The following DLG2 variants were observed in gnomAD, a reference collection of about 807,000 sequenced individuals.
The protein encoded by DLG2 is disks large homolog 2.
A neutral mutation model predicts 132.5 loss-of-function variants in DLG2; 45 were observed. The observed-to-expected ratio is 0.34, with a 90% CI of 0.27 to 0.44. DLG2 has a LOEUF of 0.44. DLG2 is among the 20% of genes least tolerant of loss of function. The pLI, the probability that DLG2 is intolerant of heterozygous loss-of-function variation, is 1.00. For synonymous variants in DLG2, 424 were observed against 419.6 expected, an observed-to-expected ratio of 1.01 and a Z score of -0.13; for missense variants, 1,045 against 1,196.9, an observed-to-expected ratio of 0.87 and a Z score of 1.87.
chr11:83,768,656 A>G (rs1447133858), intron 18 of DLG2, among the ~76,000 whole-genome samples: 1 of 152,216 alleles, frequency 6.6e-6, no homozygotes, highest in Non-Finnish European at 1.5e-5. Flanking sequence ...GCATCATTCT[A>G]AAGCCCCAGG....
intron 7 of DLG2, among the ~76,000 whole-genome samples, chr11:84,467,939 A>C (rs970825154): frequency 2.0e-5 from 3 of 151,536 alleles, no homozygotes; most frequent in African/African-American, 7.3e-5. Context: ...TACTGCTAAC[A>C]ATTATTGAAT....
rs529649737 is a variant in DLG2 at position 84,339,112 on chromosome 11, C to T, written c.520-87821G>A. 2.6e-5 allele frequency among the ~76,000 whole-genome samples: 4 copies of T among 152,222 alleles called. No individual in the cohort carries two copies. The East Asian group carries it at 5.8e-4, about 22-fold the overall frequency. On this transcript the variant is annotated intron_variant, in intron 7 of 27. Transcript: ENST00000376104. ...TAAAGGGTTTTAGCGTTTCTTTTCT[C>T]CTCTGTATCACGACACTGTTTCAGC...
chr11:85,163,161 G>T (rs992642630), intron 4 of DLG2, among the ~76,000 whole-genome samples: 7 of 151,750 alleles, frequency 4.6e-5, no homozygotes, highest in Non-Finnish European at 1.0e-4. Context: ...GTGGGACCTT[G>T]TGATTGTGTG....
At chr11:85,567,004 A>G (rs1268454021) in intron 3 of DLG2, among the ~76,000 whole-genome samples, 1 of 151,998 alleles carries the variant, frequency 6.6e-6, no homozygotes, top group Non-Finnish European at 1.5e-5. Context: ...TTATTTCTGG[A>G]CTCTCAATTC....
At chr11:84,171,703 T>G (rs1316044738) in intron 8 of DLG2, among the ~76,000 whole-genome samples, 2 of 152,208 alleles carry the variant, frequency 1.3e-5, no homozygotes, top group Non-Finnish European at 2.9e-5. Flanking sequence ...GGTATCTTTT[T>G]GATACGATGA....
chr11:85,443,641 T>C (rs907890614), intron 3 of DLG2, among the ~76,000 whole-genome samples: 7 of 152,212 alleles, frequency 4.6e-5, no homozygotes, highest in African/African-American at 1.7e-4. Flanking sequence ...CTCCACTTCA[T>C]AGAAAATCTC....
intron 19 of DLG2, among the ~76,000 whole-genome samples, chr11:83,558,180 T>G (rs2142542438): frequency 6.6e-6 from 1 of 152,332 alleles, no homozygotes; most frequent in East Asian, 1.9e-4. Context: ...ACTGGGATTT[T>G]ATGTTTCTTT....
intron 7 of DLG2, among the ~76,000 whole-genome samples, chr11:84,475,117 G>A (rs1022065061): frequency 6.6e-6 from 1 of 152,088 alleles, no homozygotes; most frequent in South Asian, 2.1e-4. Flanking sequence ...GAGCTCCAAC[G>A]AGTTGTAACC....
intron 3 of DLG2, among the ~76,000 whole-genome samples, chr11:85,304,662 T>C (rs2079822438): frequency 6.6e-6 from 1 of 152,102 alleles, no homozygotes; most frequent in Non-Finnish European, 1.5e-5. Context: ...ATTAAAAAAA[T>C]TGAAATCCAA....
intron 19 of DLG2, among the ~76,000 whole-genome samples, chr11:83,551,787 C>T (rs1229768505): frequency 6.6e-6 from 1 of 152,074 alleles, no homozygotes; most frequent in African/African-American, 2.4e-5. Flanking sequence ...AGAATGTAAT[C>T]AAATTCCCAC....
rs1269688812 is a variant in DLG2, at chr11:84,831,683, A to T, written c.357+279978T>A. Among the ~76,000 whole-genome samples, 5 of 151,390 alleles carry T rather than the reference A, an allele frequency of 3.3e-5. No individual in the cohort carries two copies. The East Asian group carries it at 9.8e-4, about 30-fold the overall frequency. On this transcript the variant is annotated intron_variant, in intron 6 of 27. Transcript: ENST00000376104. ...TCAACACTGCCTAATAAACATCTAC[A>T]CTCTGCATTTCTGGCTGCCTTTACC...
chr11:84,800,966 T>C (rs1408358094), intron 6 of DLG2, among the ~76,000 whole-genome samples: 1 of 152,158 alleles, frequency 6.6e-6, no homozygotes, highest in African/African-American at 2.4e-5. Flanking sequence ...GTTCTTAATA[T>C]GTACTTTGCA....
chr11:83,955,099 T>C (rs1478577141), intron 14 of DLG2, among the ~76,000 whole-genome samples: 1 of 152,228 alleles, frequency 6.6e-6, no homozygotes, highest in Non-Finnish European at 1.5e-5. Flanking sequence ...ATAGTATTAA[T>C]AACAGCTAAC....
At chr11:83,955,512 A>G (rs1030356992) in intron 14 of DLG2, among the ~76,000 whole-genome samples, 2 of 152,134 alleles carry the variant, frequency 1.3e-5, no homozygotes, top group Non-Finnish European at 2.9e-5. Flanking sequence ...CCATGGCCCA[A>G]AGTGATAACT....
intron 6 of DLG2, among the ~76,000 whole-genome samples, chr11:84,627,172 A>G (rs1423835650): frequency 1.3e-5 from 2 of 152,132 alleles, no homozygotes. Flanking sequence ...TCCCGGCCCA[A>G]TTACACATTC....
intron 7 of DLG2, chr11:84,273,075 C>G: frequency 8.0e-7 from 1 of 1,247,720 alleles, no homozygotes; most frequent in Non-Finnish European, 1.1e-6. Context: ...TTATACATTT[C>G]TCTATAGATA....
intron 6 of DLG2, among the ~76,000 whole-genome samples, chr11:84,635,203 T>G (rs2099638597): frequency 6.6e-6 from 1 of 152,230 alleles, no homozygotes; most frequent in East Asian, 1.9e-4. Context: ...ACAGCTTGGG[T>G]GTGCCCATGT....
chr11:85,442,104 G>A (rs894636788), intron 3 of DLG2, among the ~76,000 whole-genome samples: 6 of 151,918 alleles, frequency 3.9e-5, no homozygotes, highest in African/African-American at 7.3e-5. Flanking sequence ...AGATGAAGTC[G>A]GAAAGCTCCA....
At chr11:85,066,823 C>T (rs2065001057) in intron 6 of DLG2, among the ~76,000 whole-genome samples, 1 of 151,714 alleles carries the variant, frequency 6.6e-6, no homozygotes, top group South Asian at 2.1e-4. Context: ...AACAAACCTA[C>T]AGACAACATG....
Sources: gnomAD v4.1 joint callset for allele counts (sites outside exome capture counted in the v4.1 genomes callset) on GRCh38, gnomAD v4.1.1 for gene constraint, MANE v1.5 for transcripts, NCBI Gene and HGNC (gene_info 2026-07-23, HGNC 2026-07-21) for gene names.